Variants in GALNT13 observed in about 807,000 individuals in gnomAD.
GALNT13 encodes the protein polypeptide N-acetylgalactosaminyltransferase 13.
Under a neutral mutation model 64.2 loss-of-function variants are expected in GALNT13, and 28 were observed. The ratio of observed to expected loss-of-function variants is 0.44; its 90% CI spans 0.32 to 0.60. GALNT13 has a LOEUF of 0.60. Ranked by LOEUF, GALNT13 falls within the 20% of genes least tolerant of loss-of-function variation. The pLI is 0.05. For missense variants in GALNT13, 577 were observed against 669.8 expected (o/e 0.86, Z 1.53); for synonymous variants, 214 against 224.6 (o/e 0.95, Z 0.42).
the GALNT13 span, among the ~76,000 whole-genome samples, chr2:153,702,721 T>C: frequency 4.0e-5 from 6 of 151,788 alleles, no homozygotes; most frequent in South Asian, 4.2e-4. Flanking sequence ...ATGGGGAGAG[T>C]GGATATTAAA....
chr2:153,374,243 C>T, the GALNT13 span, among the ~76,000 whole-genome samples: 4 of 152,154 alleles, frequency 2.6e-5, no homozygotes, highest in Non-Finnish European at 5.9e-5. Context: ...TCTTCACATT[C>T]TTGCCAACAC....
At chr2:153,688,855 G>A in the GALNT13 span, among the ~76,000 whole-genome samples, 4 of 151,892 alleles carry the variant, frequency 2.6e-5, no homozygotes, top group African/African-American at 9.7e-5. Flanking sequence ...GAATATTTAG[G>A]TTGTTCCCAG....
the GALNT13 span, among the ~76,000 whole-genome samples, chr2:153,256,350 G>A: frequency 6.6e-6 from 1 of 152,150 alleles, no homozygotes; most frequent in East Asian, 1.9e-4. Context: ...GTATCGGTTA[G>A]TCTAGTTATA....
the GALNT13 span, among the ~76,000 whole-genome samples, chr2:153,711,728 G>C: frequency 6.6e-6 from 1 of 152,116 alleles, no homozygotes; most frequent in Non-Finnish European, 1.5e-5. Flanking sequence ...TTAGCTGTGG[G>C]CTCTCTTCCA....
chr2:153,210,954 T>G, the GALNT13 span, among the ~76,000 whole-genome samples: 1 of 152,140 alleles, frequency 6.6e-6, no homozygotes, highest in African/African-American at 2.4e-5. Flanking sequence ...ATAACCATCA[T>G]ATTTTGAACC....
chr2:153,231,926 T>C, the GALNT13 span, among the ~76,000 whole-genome samples: 13 of 152,264 alleles, frequency 8.5e-5, no homozygotes, highest in African/African-American at 3.1e-4. Context: ...GGCCTGACCC[T>C]TGGAGACGAT....
chr2:153,665,366 G>A, the GALNT13 span, among the ~76,000 whole-genome samples: 2 of 152,264 alleles, frequency 1.3e-5, no homozygotes, highest in South Asian at 4.1e-4. Flanking sequence ...AGAGAAAGTA[G>A]AATGGGTAAT....
the GALNT13 span, among the ~76,000 whole-genome samples, chr2:153,409,376 G>A: frequency 1.6e-5 from 2 of 121,780 alleles, no homozygotes; most frequent in South Asian, 5.9e-4. Flanking sequence ...TCATATGTGT[G>A]TATATATATA....
At chr2:154,339,026 C>T (rs1695609681) in intron 9 of GALNT13, among the ~76,000 whole-genome samples, 1 of 152,036 alleles carries the variant, frequency 6.6e-6, no homozygotes, top group South Asian at 2.1e-4. Flanking sequence ...AGAAATTAGA[C>T]CAAAGACAAT....
At chr2:153,885,940 A>G (rs1358506267) in intron 1 of GALNT13, among the ~76,000 whole-genome samples, 3 of 152,068 alleles carry the variant, frequency 2.0e-5, no homozygotes, top group Admixed American at 6.6e-5. Flanking sequence ...ATTCTTAACT[A>G]TGAACATGAA....
At chr2:153,592,808 C>T in the GALNT13 span, 1 of 152,422 alleles carries the variant, frequency 6.6e-6, no homozygotes, top group Non-Finnish European at 1.5e-5. Flanking sequence ...GGAACACACA[C>T]CCCCAGTGGA....
the GALNT13 span, among the ~76,000 whole-genome samples, chr2:153,121,373 C>T: frequency 6.6e-6 from 1 of 152,120 alleles, no homozygotes; most frequent in Non-Finnish European, 1.5e-5. Context: ...TTACTGTTAA[C>T]TTACACTCTA....
At chr2:154,376,145 A>G (rs925856248) in intron 9 of GALNT13, among the ~76,000 whole-genome samples, 6 of 152,228 alleles carry the variant, frequency 3.9e-5, no homozygotes, top group African/African-American at 1.4e-4. Flanking sequence ...AAAATCCACA[A>G]TAAGCATAGC....
At chr2:153,956,913 T>G (rs866753305) in intron 3 of GALNT13, among the ~76,000 whole-genome samples, 32 of 152,304 alleles carry the variant, frequency 2.1e-4, no homozygotes, top group African/African-American at 7.0e-4. Flanking sequence ...TTATGTAGAC[T>G]ATCTCCGAGA....
chr2:154,222,974 C>A (rs1163598981), intron 4 of GALNT13, among the ~76,000 whole-genome samples: 2 of 151,968 alleles, frequency 1.3e-5, no homozygotes, highest in African/African-American at 4.8e-5. Flanking sequence ...GAAAAAAATG[C>A]CAGCTCTAGT....
At chr2:153,630,338 G>A in the GALNT13 span, among the ~76,000 whole-genome samples, 1 of 152,062 alleles carries the variant, frequency 6.6e-6, no homozygotes, top group South Asian at 2.1e-4. Context: ...ATGAGTTCAT[G>A]TCGTTTGTAG....
chr2:154,005,771 A>G (rs1377240822), intron 3 of GALNT13, among the ~76,000 whole-genome samples: 1 of 152,136 alleles, frequency 6.6e-6, no homozygotes, highest in East Asian at 1.9e-4. Context: ...AGCTAGGTAT[A>G]TGTTTCTTTA....
intron 3 of GALNT13, among the ~76,000 whole-genome samples, chr2:154,046,641 G>A (rs1311605410): frequency 6.6e-6 from 1 of 152,170 alleles, no homozygotes; most frequent in African/African-American, 2.4e-5. Flanking sequence ...AGCTTAGAAT[G>A]TAACCATATT....
the GALNT13 span, among the ~76,000 whole-genome samples, chr2:153,091,587 G>A: frequency 4.6e-5 from 7 of 152,182 alleles, no homozygotes; most frequent in Non-Finnish European, 7.3e-5. Context: ...CACAGTGTGA[G>A]TCTCCACATG....
Sources: gnomAD v4.1 joint callset for allele counts (sites outside exome capture counted in the v4.1 genomes callset) on GRCh38, gnomAD v4.1.1 for gene constraint, MANE v1.5 for transcripts, NCBI Gene and HGNC (gene_info 2026-07-23, HGNC 2026-07-21) for gene names.